CNTN1: variants seen among roughly 807,000 people sequenced by gnomAD.
CNTN1 encodes contactin-1.
Under a neutral mutation model 126.4 loss-of-function variants are expected in CNTN1, and 38 were observed. The observed-to-expected ratio is 0.30, with a 90% confidence interval of 0.23 to 0.39. The LOEUF (loss-of-function observed/expected upper bound fraction) is 0.39, where lower values mean the gene tolerates loss of function less well. Ranked by LOEUF, CNTN1 falls within the 10% of genes least tolerant of loss-of-function variation. CNTN1 has a pLI of 1.00. For missense variants in CNTN1, 1,009 were observed against 1,248.4 expected (o/e 0.81, Z 2.89); for synonymous variants, 413 against 422.6 (o/e 0.98, Z 0.28).
Position 40,719,982 on chromosome 12 carries a change from C to A in CNTN1, c.-77+27390C>A, listed in dbSNP as rs552528940. On this transcript the variant is annotated intron_variant, in intron 1 of 23. Coordinates refer to ENST00000551295, the MANE Select transcript of CNTN1 (RefSeq NM_001843.4). ...CCTTCTAAGTAGCTGGGATTACAGGCGCATGCACCACGCCCGGTTAATTTT... is the reference window on the plus strand; with the variant it reads ...CCTTCTAAGTAGCTGGGATTACAGGAGCATGCACCACGCCCGGTTAATTTT... Among the ~76,000 whole-genome samples, 5 of 151,152 alleles carry A rather than the reference C, an allele frequency of 3.3e-5. No homozygotes were observed. The East Asian group carries it at 9.8e-4, about 30-fold the overall frequency.
chr12:41,031,014 C>G (rs1225231965), intron 23 of CNTN1, among the ~76,000 whole-genome samples: 2 of 152,026 alleles, frequency 1.3e-5, no homozygotes, highest in South Asian at 2.1e-4. Flanking sequence ...GCTCTTGAAC[C>G]CTGGGCCTTC....
intron 12 of CNTN1, among the ~76,000 whole-genome samples, chr12:40,942,860 A>T (rs1946304707): frequency 6.6e-6 from 1 of 152,110 alleles, no homozygotes; most frequent in Non-Finnish European, 1.5e-5. Context: ...AGTAAGGTAG[A>T]TAGTTTTGCT....
At chr12:40,990,752 C>T (rs1948078504) in intron 16 of CNTN1, among the ~76,000 whole-genome samples, 2 of 152,326 alleles carry the variant, frequency 1.3e-5, no homozygotes, top group Non-Finnish European at 2.9e-5. Context: ...GATACCTGCC[C>T]TTACCTGTTG....
chr12:40,922,821 A>C (rs1401309331), intron 5 of CNTN1, among the ~76,000 whole-genome samples: 1 of 151,900 alleles, frequency 6.6e-6, no homozygotes, highest in African/African-American at 2.4e-5. Flanking sequence ...AAATACAAAA[A>C]TTAGCTGGGC....
At chr12:40,996,377 C>A (rs993989400) in intron 17 of CNTN1, among the ~76,000 whole-genome samples, 1 of 152,086 alleles carries the variant, frequency 6.6e-6, no homozygotes, top group Admixed American at 6.5e-5. Flanking sequence ...TGCAATCCAC[C>A]CACCTTGGCC....
At chr12:40,872,632 G>A (rs1048616121) in intron 1 of CNTN1, among the ~76,000 whole-genome samples, 84 of 140,454 alleles carry the variant, frequency 6.0e-4, no homozygotes, top group Non-Finnish European at 1.1e-3. Flanking sequence ...GTGTAGTGGC[G>A]CTATCTTGGC....
chr12:40,759,429 C>T (rs1282454661), intron 1 of CNTN1, among the ~76,000 whole-genome samples: 1 of 149,708 alleles, frequency 6.7e-6, no homozygotes, highest in Non-Finnish European at 1.5e-5. Context: ...CTTTCTCCCT[C>T]CCCTCCCCTC....
chr12:40,894,364 G>C (rs1337980813), intron 1 of CNTN1, among the ~76,000 whole-genome samples: 1 of 152,070 alleles, frequency 6.6e-6, no homozygotes, highest in Non-Finnish European at 1.5e-5. Context: ...TACATGAAGA[G>C]TGAATGTTGA....
In CNTN1 at chr12:40,845,257, C is replaced by A. The variant is rs538086282; in HGVS notation, c.-76-63100C>A. 2.6e-5 allele frequency among the ~76,000 whole-genome samples: 4 copies of A among 152,254 alleles called. No homozygotes were observed. The East Asian group carries it at 7.7e-4, about 29-fold the overall frequency. ...AAACTTGAAATGCAAGTTTATCAAT[C>A]TCCCTTTGTCATATAGAAAATTGAT... On this transcript the variant is annotated intron_variant, in intron 1 of 23. Transcript: ENST00000551295.
intron 1 of CNTN1, among the ~76,000 whole-genome samples, chr12:40,706,649 A>ATTTCTTTTGT (rs1941748665): frequency 6.6e-6 from 1 of 152,184 alleles, no homozygotes; most frequent in Non-Finnish European, 1.5e-5. Flanking sequence ...AATATTTTAG[A>ATTTCTTTTGT]AATGTTCTTT....
At chr12:40,875,935 A>C (rs561497150) in intron 1 of CNTN1, among the ~76,000 whole-genome samples, 2 of 152,082 alleles carry the variant, frequency 1.3e-5, no homozygotes, top group Admixed American at 6.6e-5. Context: ...CTTTTAAGTA[A>C]ATTGTGTTAA....
chr12:41,059,845 T>G (rs1949902162), intron 23 of CNTN1, among the ~76,000 whole-genome samples: 1 of 152,040 alleles, frequency 6.6e-6, no homozygotes, highest in South Asian at 2.1e-4. Flanking sequence ...GGCAACATTG[T>G]GAGACCCTAT....
chr12:40,927,555 C>T (rs1474053150), intron 6 of CNTN1, among the ~76,000 whole-genome samples: 3 of 152,028 alleles, frequency 2.0e-5, no homozygotes, highest in African/African-American at 7.2e-5. Flanking sequence ...ATGGCAAGAG[C>T]CATTCCTACC....
At chr12:40,876,575 A>G (rs1943677756) in intron 1 of CNTN1, among the ~76,000 whole-genome samples, 1 of 152,156 alleles carries the variant, frequency 6.6e-6, no homozygotes, top group African/African-American at 2.4e-5. Context: ...GCCAATGAAT[A>G]TAATGTTCTA....
intron 1 of CNTN1, among the ~76,000 whole-genome samples, chr12:40,798,361 T>C (rs1940523006): frequency 3.3e-5 from 5 of 152,036 alleles, no homozygotes. Flanking sequence ...CTATACTTAC[T>C]GTACTTTCTT....
At chr12:40,804,953 C>T (rs935994446) in intron 1 of CNTN1, among the ~76,000 whole-genome samples, 21 of 151,892 alleles carry the variant, frequency 1.4e-4, no homozygotes, top group African/African-American at 2.7e-4. Flanking sequence ...TTGTTACTGT[C>T]GTTTCCTTCT....
intron 1 of CNTN1, chr12:40,729,167 A>G (rs1942432393): frequency 9.5e-6 from 2 of 210,026 alleles, no homozygotes; most frequent in South Asian, 9.1e-5. Context: ...GCTCTTAAAG[A>G]TACTTCTCAA....
At chr12:40,906,099 G>A (rs980226895) in intron 1 of CNTN1, among the ~76,000 whole-genome samples, 1 of 152,028 alleles carries the variant, frequency 6.6e-6, no homozygotes, top group Non-Finnish European at 1.5e-5. Flanking sequence ...GTGAAACCCC[G>A]TCTCTACTAA....
intron 23 of CNTN1, among the ~76,000 whole-genome samples, chr12:41,062,491 T>A (rs912272435): frequency 2.0e-5 from 3 of 151,918 alleles, no homozygotes; most frequent in Admixed American, 6.6e-5. Flanking sequence ...TTAGACAGGA[T>A]GGAAACCTGG....
Sources: gnomAD v4.1 joint callset for allele counts (sites outside exome capture counted in the v4.1 genomes callset) on GRCh38, gnomAD v4.1.1 for gene constraint, MANE v1.5 for transcripts, NCBI Gene and HGNC (gene_info 2026-07-23, HGNC 2026-07-21) for gene names.